Variants in PDE4D observed in about 807,000 individuals in gnomAD.
PDE4D encodes phosphodiesterase 4D, also known as 3',5'-cyclic-AMP phosphodiesterase 4D.
In PDE4D, 24 loss-of-function variants were observed where a neutral mutation model predicts 87.4. That is an observed-to-expected ratio of 0.27 (90% CI 0.20 to 0.39). The LOEUF (loss-of-function observed/expected upper bound fraction) is 0.39, where lower values mean the gene tolerates loss of function less well. PDE4D is among the 10% of genes least tolerant of loss of function. The pLI, the probability that PDE4D is intolerant of heterozygous loss-of-function variation, is 1.00. For synonymous variants in PDE4D, 384 were observed against 383.2 expected (o/e 1.00, Z -0.02); for missense variants, 714 against 1,041.0 (o/e 0.69, Z 4.32).
intron 3 of PDE4D, among the ~76,000 whole-genome samples, chr5:59,943,222 T>C (rs372548769): frequency 1.4e-5 from 2 of 143,488 alleles, no homozygotes; most frequent in African/African-American, 2.6e-5. Flanking sequence ...CTTTTTTTTT[T>C]ACAGATGAGG....
At chr5:59,015,197 C>G (rs1386458484) in intron 6 of PDE4D, among the ~76,000 whole-genome samples, 1 of 152,118 alleles carries the variant, frequency 6.6e-6, no homozygotes, top group East Asian at 1.9e-4. Flanking sequence ...CAATACCATT[C>G]AGGACATAGG....
chr5:59,793,064 ATAGG>A (rs1418335234), intron 1 of PDE4D, among the ~76,000 whole-genome samples: 2 of 152,194 alleles, frequency 1.3e-5, no homozygotes, highest in African/African-American at 4.8e-5. Context: ...GGAATGTCCG[ATAGG>A]TAGGAAATCA....
At chr5:59,444,010 A>T (rs1798003356) in intron 1 of PDE4D, among the ~76,000 whole-genome samples, 1 of 152,226 alleles carries the variant, frequency 6.6e-6, no homozygotes, top group African/African-American at 2.4e-5. Flanking sequence ...AGTAAACATT[A>T]AACTATTGAG....
At chr5:60,303,626 A>T (rs1276720500) in intron 1 of PDE4D, among the ~76,000 whole-genome samples, 1 of 152,030 alleles carries the variant, frequency 6.6e-6, no homozygotes, top group South Asian at 2.1e-4. Context: ...GGATTTCTTA[A>T]TCTTGAGTTC....
intron 1 of PDE4D, among the ~76,000 whole-genome samples, chr5:59,573,080 G>T (rs1361314449): frequency 6.6e-6 from 1 of 152,134 alleles, no homozygotes; most frequent in Non-Finnish European, 1.5e-5. Context: ...GATTTACCCT[G>T]GATCCTAGGA....
At chr5:60,027,792 C>T (rs901934304) in intron 2 of PDE4D, among the ~76,000 whole-genome samples, 8 of 152,192 alleles carry the variant, frequency 5.3e-5, no homozygotes, top group African/African-American at 1.9e-4. Flanking sequence ...AAATGTGTGA[C>T]TACATCATGC....
intron 1 of PDE4D, among the ~76,000 whole-genome samples, chr5:60,467,733 A>ATGAC (rs370139109): frequency 2.6e-5 from 4 of 152,208 alleles, no homozygotes; most frequent in African/African-American, 9.6e-5. Context: ...AACAGGAAGC[A>ATGAC]TGACTTGGGG....
At chr5:59,334,978 C>T (rs1373993777) in intron 1 of PDE4D, among the ~76,000 whole-genome samples, 2 of 152,070 alleles carry the variant, frequency 1.3e-5, no homozygotes, top group African/African-American at 4.8e-5. Flanking sequence ...CTATTCACTC[C>T]TCATTTTTCA....
intron 1 of PDE4D, among the ~76,000 whole-genome samples, chr5:60,498,707 T>C (rs1354655995): frequency 6.6e-6 from 1 of 152,198 alleles, no homozygotes; most frequent in African/African-American, 2.4e-5. Context: ...CTTTACAATA[T>C]CACTTGTATA....
chr5:59,974,954 C>T (rs1761152037), intron 3 of PDE4D, among the ~76,000 whole-genome samples: 2 of 152,138 alleles, frequency 1.3e-5, no homozygotes. Flanking sequence ...TGACTCTTCG[C>T]TAAAGATGTC....
At chr5:60,447,878 G>A (rs1160537157) in intron 1 of PDE4D, among the ~76,000 whole-genome samples, 1 of 152,134 alleles carries the variant, frequency 6.6e-6, no homozygotes, top group African/African-American at 2.4e-5. Flanking sequence ...TAGGAGGGTA[G>A]CCTCAGAGAG....
chr5:60,200,358 A>G (rs1248821226), intron 1 of PDE4D, among the ~76,000 whole-genome samples: 2 of 151,602 alleles, frequency 1.3e-5, no homozygotes, highest in Non-Finnish European at 3.0e-5. Flanking sequence ...GGAAGACATC[A>G]GAAGTCATTG....
chr5:59,695,641 G>A (rs946504632), intron 1 of PDE4D, among the ~76,000 whole-genome samples: 19 of 152,096 alleles, frequency 1.2e-4, no homozygotes, highest in African/African-American at 1.2e-4. Flanking sequence ...GGTCTGTGTC[G>A]TCCAGGCTGA....
intron 1 of PDE4D, among the ~76,000 whole-genome samples, chr5:59,234,075 AGCAAT>A (rs1382742039): frequency 6.6e-6 from 1 of 152,196 alleles, no homozygotes; most frequent in Non-Finnish European, 1.5e-5. Context: ...CAAGTTGAGA[AGCAAT>A]GTTCATTGCT....
In PDE4D at chr5:59,147,525, G is replaced by C. The variant is rs77844920; in HGVS notation, c.808+33070C>G. On this transcript the variant is annotated intron_variant, in intron 5 of 14. Transcript: ENST00000340635. ...ATATTTTTCATTGAATTGGGCAGTGGTGTGATTGAATTGGCCAAATCAGAA... is the reference window on the plus strand; with the variant it reads ...ATATTTTTCATTGAATTGGGCAGTGCTGTGATTGAATTGGCCAAATCAGAA... 2.5e-3 allele frequency among the ~76,000 whole-genome samples: 384 copies of C among 152,202 alleles called. 1 individual carries two copies. Among genetic ancestry groups the C allele is most frequent in the Non-Finnish European group, 4.1e-3 (280 of 67,970 alleles).
At chr5:60,180,602 T>C (rs1784302642) in intron 2 of PDE4D, among the ~76,000 whole-genome samples, 1 of 152,106 alleles carries the variant, frequency 6.6e-6, no homozygotes, top group African/African-American at 2.4e-5. Context: ...TCTATGAGGG[T>C]AGAGAGAACA....
intron 3 of PDE4D, among the ~76,000 whole-genome samples, chr5:59,189,242 T>TG (rs764025691): frequency 0.17 from 12,472 of 74,110 alleles, 1,255 homozygotes; most frequent in Non-Finnish European, 0.2. Flanking sequence ...GTTTTTTTTT[T>TG]TGTTTTTTTT....
chr5:59,891,386 C>G (rs909382617), intron 1 of PDE4D, among the ~76,000 whole-genome samples: 13 of 152,162 alleles, frequency 8.5e-5, no homozygotes, highest in Non-Finnish European at 1.6e-4. Flanking sequence ...AAGGGCTCAT[C>G]ATCACACGGT....
At chr5:59,842,696 A>T (rs1743202831) in intron 1 of PDE4D, among the ~76,000 whole-genome samples, 1 of 152,084 alleles carries the variant, frequency 6.6e-6, no homozygotes, top group African/African-American at 2.4e-5. Context: ...TACACATATA[A>T]TAATGTCACC....
Sources: gnomAD v4.1 joint callset for allele counts (sites outside exome capture counted in the v4.1 genomes callset) on GRCh38, gnomAD v4.1.1 for gene constraint, MANE v1.5 for transcripts, NCBI Gene and HGNC (gene_info 2026-07-23, HGNC 2026-07-21) for gene names.